Variants in PLD1 observed in about 807,000 individuals in gnomAD.
The protein encoded by PLD1 is phospholipase D1.
A neutral mutation model predicts 137.1 loss-of-function variants in PLD1; 112 were observed. The ratio of observed to expected loss-of-function variants is 0.82; its 90% CI spans 0.70 to 0.96. PLD1 has a LOEUF of 0.96. Among genes scored for constraint, PLD1 ranks in the 40% least tolerant of loss-of-function variants. The pLI, the probability that PLD1 is intolerant of heterozygous loss-of-function variation, is 0.00. For missense variants in PLD1, 1,321 were observed against 1,342.0 expected (o/e 0.98, Z 0.24); for synonymous variants, 431 against 454.7 (o/e 0.95, Z 0.66).
intron 1 of PLD1, among the ~76,000 whole-genome samples, chr3:171,776,335 G>T (rs995543346): frequency 6.6e-6 from 1 of 152,174 alleles, no homozygotes. Flanking sequence ...GGCACAGTGG[G>T]TGCCCACCCA....
At chr3:171,639,529 TATATATTATATA>T (rs1163244229) in intron 23 of PLD1, among the ~76,000 whole-genome samples, 7 of 87,388 alleles carry the variant, frequency 8.0e-5, no homozygotes, top group Admixed American at 4.8e-4. Context: ...ATTCATATAA[TATATATTATATA>T]AATATATATT....
chr3:171,770,529 T>C (rs1050487187), intron 1 of PLD1, among the ~76,000 whole-genome samples: 9 of 152,148 alleles, frequency 5.9e-5, no homozygotes, highest in Non-Finnish European at 1.0e-4. Context: ...ATCAACTGTG[T>C]ATAAAATCAT....
chr3:171,785,782 C>A (rs994276089), intron 1 of PLD1, among the ~76,000 whole-genome samples: 1 of 152,168 alleles, frequency 6.6e-6, no homozygotes, highest in Non-Finnish European at 1.5e-5. Context: ...CTTGGACTGG[C>A]CACATTTCAA....
At chr3:171,733,377 C>T (rs1719091190) in intron 6 of PLD1, 67 bp downstream of exon 6, 2 of 676,582 alleles carry the variant, frequency 3.0e-6, no homozygotes, top group Admixed American at 5.1e-5. Context: ...TAAAATGATC[C>T]AAAATTTAGC....
intron 1 of PLD1, among the ~76,000 whole-genome samples, chr3:171,800,079 T>A (rs1375351361): frequency 1.3e-5 from 2 of 152,224 alleles, no homozygotes; most frequent in Non-Finnish European, 2.9e-5. Context: ...GTTCATTAAT[T>A]ATAACAAATG....
intron 25 of PLD1, among the ~76,000 whole-genome samples, chr3:171,606,001 T>G (rs1395350006): frequency 6.6e-6 from 1 of 152,196 alleles, no homozygotes; most frequent in Non-Finnish European, 1.5e-5. Flanking sequence ...GACTTACATA[T>G]TAAAATACGG....
At chr3:171,715,726 T>C (rs1307038644) in intron 8 of PLD1, among the ~76,000 whole-genome samples, 1 of 152,140 alleles carries the variant, frequency 6.6e-6, no homozygotes, top group Non-Finnish European at 1.5e-5. Flanking sequence ...ACTCCTCTGA[T>C]TTCTTCCCTT....
At chr3:171,786,949 T>C (rs1312964110) in intron 1 of PLD1, among the ~76,000 whole-genome samples, 1 of 152,200 alleles carries the variant, frequency 6.6e-6, no homozygotes. Flanking sequence ...CGGTAAGTTA[T>C]CACTGCTTTA....
intron 23 of PLD1, among the ~76,000 whole-genome samples, chr3:171,642,528 T>C (rs376698850): frequency 1.4e-5 from 2 of 143,252 alleles, no homozygotes; most frequent in African/African-American, 5.4e-5. Context: ...TTGTATCCAG[T>C]AGATAAAGAA....
chr3:171,617,124 G>A (rs1733183417), intron 24 of PLD1, among the ~76,000 whole-genome samples: 1 of 152,110 alleles, frequency 6.6e-6, no homozygotes, highest in South Asian at 2.1e-4. Flanking sequence ...AGACCAACTA[G>A]ATCATAATTT....
chr3:171,764,352 T>A (rs1000579130), intron 1 of PLD1, among the ~76,000 whole-genome samples: 3 of 152,230 alleles, frequency 2.0e-5, no homozygotes, highest in African/African-American at 7.2e-5. Flanking sequence ...TATGATAAGC[T>A]TTTTATATAC....
chr3:171,768,434 G>C (rs1332410089), intron 1 of PLD1, among the ~76,000 whole-genome samples: 4 of 152,212 alleles, frequency 2.6e-5, no homozygotes, highest in Admixed American at 6.5e-5. Context: ...ATAAACTGCA[G>C]ATGAAAAGCC....
chr3:171,705,963 A>T (rs1281344828), intron 11 of PLD1, among the ~76,000 whole-genome samples: 1 of 152,226 alleles, frequency 6.6e-6, no homozygotes, highest in Non-Finnish European at 1.5e-5. Flanking sequence ...CAGAGACCAT[A>T]CATGATTTGA....
At chr3:171,641,180 T>C (rs1735708164) in intron 23 of PLD1, among the ~76,000 whole-genome samples, 1 of 152,160 alleles carries the variant, frequency 6.6e-6, no homozygotes, top group African/African-American at 2.4e-5. Context: ...ATCATGGAGC[T>C]GAGAAGAGGG....
At chr3:171,779,200 A>G (rs1044684559) in intron 1 of PLD1, among the ~76,000 whole-genome samples, 6 of 152,188 alleles carry the variant, frequency 3.9e-5, no homozygotes, top group African/African-American at 1.4e-4. Context: ...ACTCTGTCTC[A>G]ATGAAAAATA....
chr3:171,787,774 A>G (rs948560297), intron 1 of PLD1, among the ~76,000 whole-genome samples: 2 of 151,604 alleles, frequency 1.3e-5, no homozygotes, highest in Non-Finnish European at 2.9e-5. Flanking sequence ...ATTCTCATTT[A>G]GGAAAAGAAA....
intron 16 of PLD1, among the ~76,000 whole-genome samples, chr3:171,685,817 G>A: frequency 6.6e-6 from 1 of 151,980 alleles, no homozygotes; most frequent in South Asian, 2.1e-4. Context: ...TCCACCCAAA[G>A]GCCTTCAAGA....
intron 6 of PLD1, among the ~76,000 whole-genome samples, chr3:171,730,503 G>A (rs6445024): frequency 0.36 from 54,767 of 151,790 alleles, 10,993 homozygotes; most frequent in African/African-American, 0.52. Flanking sequence ...ACCAATGGCT[G>A]TATAAAAGTG....
intron 1 of PLD1, among the ~76,000 whole-genome samples, chr3:171,777,709 A>G (rs904875630): frequency 1.5e-4 from 23 of 152,134 alleles, no homozygotes; most frequent in African/African-American, 5.1e-4. Flanking sequence ...CCTCCTCGAC[A>G]GTAAAGGAGT....
Sources: allele counts gnomAD v4.1 joint callset (sites outside exome capture counted in the v4.1 genomes callset), GRCh38; gene constraint gnomAD v4.1.1; transcripts MANE v1.5; gene names NCBI Gene and HGNC (gene_info 2026-07-23, HGNC 2026-07-21).